GALNT12: variants seen among roughly 807,000 people sequenced by gnomAD.
GALNT12 encodes polypeptide N-acetylgalactosaminyltransferase 12.
Under a neutral mutation model 55.5 loss-of-function variants are expected in GALNT12, and 45 were observed. That is an observed-to-expected ratio of 0.81 (90% confidence interval 0.64 to 1.04). The LOEUF (loss-of-function observed/expected upper bound fraction) is 1.04, where lower values mean the gene tolerates loss of function less well. Among genes scored for constraint, GALNT12 ranks in the 50% least tolerant of loss-of-function variants. The pLI, the probability that GALNT12 is intolerant of heterozygous loss-of-function variation, is 0.00. For missense variants in GALNT12, 709 were observed against 754.8 expected (o/e 0.94, Z 0.71); for synonymous variants, 304 against 312.2 (o/e 0.97, Z 0.28).
intron 3 of GALNT12, among the ~76,000 whole-genome samples, chr9:98,830,932 C>T (rs1835979125): frequency 6.6e-6 from 1 of 152,118 alleles, no homozygotes; most frequent in Non-Finnish European, 1.5e-5. Flanking sequence ...ATTTTTAGGT[C>T]TCAAATTCCA....
intron 1 of GALNT12, among the ~76,000 whole-genome samples, chr9:98,810,374 C>T (rs1487365452): frequency 3.3e-5 from 5 of 152,126 alleles, no homozygotes; most frequent in South Asian, 2.1e-4. Context: ...ATCTGTTACT[C>T]GTTCCTCCCT....
intron 7 of GALNT12, among the ~76,000 whole-genome samples, chr9:98,842,121 G>C (rs915347953): frequency 1.4e-5 from 2 of 147,668 alleles, no homozygotes; most frequent in Non-Finnish European, 3.0e-5. Context: ...TTCTCTTCTT[G>C]AGTGTCATTG....
chr9:98,822,550 CGGGGATTT>C (rs1207072519), intron 1 of GALNT12, among the ~76,000 whole-genome samples: 7 of 152,266 alleles, frequency 4.6e-5, no homozygotes, highest in African/African-American at 1.7e-4. Context: ...CAGGTGGCAG[CGGGGATTT>C]GGGGGAGGTA....
intron 8 of GALNT12, among the ~76,000 whole-genome samples, chr9:98,845,261 C>T (rs901412399): frequency 1.1e-4 from 16 of 152,232 alleles, no homozygotes; most frequent in African/African-American, 3.4e-4. Flanking sequence ...GTGTGACAAG[C>T]CCTGCTCTGT....
intron 9 of GALNT12, among the ~76,000 whole-genome samples, 193 bp downstream of exon 9, chr9:98,846,316 C>A (rs998507291): frequency 1.3e-5 from 2 of 152,078 alleles, no homozygotes; most frequent in Admixed American, 1.3e-4. Context: ...GATTGGAGTC[C>A]CCTGGCACAC....
rs747224942 is a variant in GALNT12 at position 98,823,387 on chromosome 9, TAGA to T, written c.509_511del (p.Glu170del). The T allele has an allele frequency of 1.1e-5, 18 of 1,614,076 alleles. No homozygotes were observed. The African/African-American group carries it at 2.1e-4, about 19-fold the overall frequency. ...CTTGAGACATCCCCGGATATCCTGC[TAGA>T]AGAAGTGATCCTTGTAGATGACTAC... On this transcript the variant is annotated inframe_deletion, in exon 2 of 10. Transcript: ENST00000375011.
intron 1 of GALNT12, among the ~76,000 whole-genome samples, chr9:98,820,093 T>G (rs542421452): frequency 5.9e-5 from 9 of 152,180 alleles, no homozygotes; most frequent in African/African-American, 2.2e-4. Context: ...TGTCTTTTTT[T>G]CCCCCCAGGT....
chr9:98,845,851 G>A, intron 8 of GALNT12, 126 bp from the exon 9 acceptor site: 1 of 933,330 alleles, frequency 1.1e-6, no homozygotes, highest in South Asian at 1.4e-5. Context: ...ACAGGCTCGT[G>A]TTGGTGGTGA....
chr9:98,827,284 C>T (rs532635243), intron 3 of GALNT12, among the ~76,000 whole-genome samples: 28 of 149,678 alleles, frequency 1.9e-4, no homozygotes, highest in South Asian at 8.5e-4. Flanking sequence ...CTCTGCCTCC[C>T]GGGATCAAGC....
At chr9:98,821,302 G>A (rs1225872516) in intron 1 of GALNT12, among the ~76,000 whole-genome samples, 5 of 152,110 alleles carry the variant, frequency 3.3e-5, no homozygotes, top group African/African-American at 1.2e-4. Context: ...GAGCCATCAT[G>A]CCCGGCCCTG....
intron 1 of GALNT12, among the ~76,000 whole-genome samples, chr9:98,820,943 A>G (rs1018695789): frequency 3.9e-5 from 6 of 152,250 alleles, no homozygotes; most frequent in Admixed American, 2.0e-4. Context: ...TTATTAAAAA[A>G]GAGTCCTTAC....
intron 1 of GALNT12, among the ~76,000 whole-genome samples, chr9:98,812,397 C>T (rs1482402619): frequency 1.3e-5 from 2 of 151,950 alleles, no homozygotes; most frequent in African/African-American, 4.8e-5. Flanking sequence ...TCGAGATTAG[C>T]CTGGCCAACA....
chr9:98,837,998 A>G (rs184889357), intron 6 of GALNT12, among the ~76,000 whole-genome samples: 54 of 152,346 alleles, frequency 3.5e-4, no homozygotes, highest in Non-Finnish European at 6.8e-4. Context: ...GTCACAGGCC[A>G]GGCATTGTCC....
chr9:98,829,030 A>G (rs1023035877), intron 3 of GALNT12, among the ~76,000 whole-genome samples: 4 of 151,904 alleles, frequency 2.6e-5, no homozygotes, highest in African/African-American at 9.7e-5. Context: ...GAGTTTCACG[A>G]TGTTGGCCAG....
intron 3 of GALNT12, 112 bp from the exon 4 acceptor site, chr9:98,831,660 T>C: frequency 2.5e-6 from 3 of 1,202,780 alleles, no homozygotes; most frequent in Non-Finnish European, 3.6e-6. Context: ...CTTTCTCAGA[T>C]GTTCCTCCCT....
intron 6 of GALNT12, among the ~76,000 whole-genome samples, chr9:98,838,497 C>T (rs1048549596): frequency 3.9e-5 from 6 of 152,246 alleles, no homozygotes; most frequent in Non-Finnish European, 7.3e-5. Context: ...GGCTGAGGTT[C>T]AGCCCAGACT....
intron 1 of GALNT12, among the ~76,000 whole-genome samples, chr9:98,821,923 G>C (rs1201481530): frequency 6.6e-6 from 1 of 152,128 alleles, no homozygotes; most frequent in Admixed American, 6.5e-5. Context: ...TTGTTTAGTT[G>C]ATTACTGTCC....
Position 98,849,338 on chromosome 9 carries a change from T to A in GALNT12, c.*246T>A. The A allele has an allele frequency of 1.7e-6, 1 of 593,130 alleles. No homozygotes were observed. The highest frequency in any genetic ancestry group is 3.0e-6 in the Non-Finnish European group (1 of 335,514). 36.7% of individuals were successfully genotyped at this position (593,130 alleles called of 1,614,324 possible). A position where few individuals can be genotyped will look rare whatever the true frequency, so the allele number is the denominator to read the frequency against. The stretch of plus-strand genomic sequence containing the variant: ...ATTTTCAAAGGGTAATCGTAAGATG[T>A]TAACCCTTGGTATTTAGAAAATTAA... On this transcript the variant is annotated 3_prime_UTR_variant, in exon 10 of 10. Transcript: ENST00000375011.
At chr9:98,818,653 G>C (rs1272136353) in intron 1 of GALNT12, among the ~76,000 whole-genome samples, 1 of 152,124 alleles carries the variant, frequency 6.6e-6, no homozygotes, top group African/African-American at 2.4e-5. Context: ...CAGTTCCTCA[G>C]TCTCTCATGG....
Sources: allele counts gnomAD v4.1 joint callset (sites outside exome capture counted in the v4.1 genomes callset), GRCh38; gene constraint gnomAD v4.1.1; transcripts MANE v1.5; gene names NCBI Gene and HGNC (gene_info 2026-07-23, HGNC 2026-07-21).